Variants in SMOC2 observed in about 807,000 individuals in gnomAD.
SMOC2 encodes SPARC related modular calcium binding 2, also known as SPARC-related modular calcium-binding protein 2.
In SMOC2, 39 loss-of-function variants were observed where a neutral mutation model predicts 61.4. That is an observed-to-expected ratio of 0.64 (90% CI 0.49 to 0.83). SMOC2 has a LOEUF of 0.83. Among genes scored for constraint, SMOC2 ranks in the 40% least tolerant of loss-of-function variants. SMOC2 has a pLI of 0.00. For missense variants in SMOC2, 556 were observed against 592.9 expected, an observed-to-expected ratio of 0.94 and a Z score of 0.65; for synonymous variants, 247 against 239.9, an observed-to-expected ratio of 1.03 and a Z score of -0.27.
chr6:168,513,897 A>T (rs1783068307), intron 2 of SMOC2, among the ~76,000 whole-genome samples: 1 of 152,142 alleles, frequency 6.6e-6, no homozygotes, highest in Non-Finnish European at 1.5e-5. Flanking sequence ...TTCACGTGAG[A>T]TTTTCAATAG....
rs191306241 is a variant in SMOC2 at position 168,459,803 on chromosome 6, C to G, written c.84+18349C>G. On this transcript the variant is annotated intron_variant, in intron 1 of 12. Coordinates refer to ENST00000356284, the MANE Select transcript of SMOC2 (RefSeq NM_001166412.2). The stretch of plus-strand genomic sequence containing the variant: ...GTGGTGAGCCCTCTGGTGGGTGAGC[C>G]CCGGGCTGGGTGAGCCCTGGGGTGG... Among the ~76,000 whole-genome samples the G allele has an allele frequency of 5.5e-3, 764 of 138,968 alleles. 7 individuals are homozygous for G. Among genetic ancestry groups the G allele is most frequent in the African/African-American group, 0.018 (678 of 36,702 alleles). The allele number at this position is 138,968 out of a possible 152,430, so 91.2% of individuals were successfully genotyped here.
At chr6:168,498,065 ATCTGTGGAGCTGCC>A (rs1357109767) in intron 1 of SMOC2, among the ~76,000 whole-genome samples, 3 of 152,072 alleles carry the variant, frequency 2.0e-5, no homozygotes, top group Admixed American at 2.0e-4. Context: ...GAGACAGGTG[ATCTGTGGAGCTGCC>A]TCTCGGACAT....
At chr6:168,632,629 G>A (rs578196782) in intron 9 of SMOC2, among the ~76,000 whole-genome samples, 4 of 152,256 alleles carry the variant, frequency 2.6e-5, no homozygotes, top group Non-Finnish European at 5.9e-5. Flanking sequence ...CCATAATTTT[G>A]AGCTATGATT....
intron 9 of SMOC2, among the ~76,000 whole-genome samples, chr6:168,614,904 C>T (rs1176767727): frequency 1.3e-4 from 1 of 7,796 alleles, no homozygotes. Flanking sequence ...TTCACACCTA[C>T]AGCCAGCACA....
intron 1 of SMOC2, among the ~76,000 whole-genome samples, chr6:168,504,493 T>A (rs1004863166): frequency 6.6e-6 from 1 of 151,194 alleles, no homozygotes; most frequent in Non-Finnish European, 1.5e-5. Context: ...CACAATAGGG[T>A]TCACACTGCT....
At chr6:168,509,733 C>T (rs538453009) in intron 1 of SMOC2, among the ~76,000 whole-genome samples, 182 bp from the exon 2 acceptor site, 1 of 152,310 alleles carries the variant, frequency 6.6e-6, no homozygotes, top group South Asian at 2.1e-4. Flanking sequence ...GCTTTTGAAA[C>T]AGATGATGGC....
At chr6:168,520,786 T>C (rs1209695082) in intron 2 of SMOC2, among the ~76,000 whole-genome samples, 1 of 152,230 alleles carries the variant, frequency 6.6e-6, no homozygotes, top group African/African-American at 2.4e-5. Context: ...CCTAGCTTAG[T>C]GTGTTTATGT....
intron 1 of SMOC2, among the ~76,000 whole-genome samples, chr6:168,473,518 A>C (rs1308271449): frequency 6.6e-6 from 1 of 151,908 alleles, no homozygotes; most frequent in African/African-American, 2.4e-5. Flanking sequence ...ATTCTCTTGA[A>C]GGAGCATGGT....
In SMOC2 at chr6:168,532,589, G is replaced by A. The variant is rs118054662; in HGVS notation, c.463+4862G>A. Reference sequence around the variant, plus strand: ...TTAATCTCATCTCTCCTCTGTAACTGTGCACCCTGACCAAGAGCTGGTTCC... The same window carrying A: ...TTAATCTCATCTCTCCTCTGTAACTATGCACCCTGACCAAGAGCTGGTTCC... On this transcript the variant is annotated intron_variant, in intron 4 of 12. Transcript: ENST00000356284. Among the ~76,000 whole-genome samples, 935 of 152,274 alleles carry A rather than the reference G, an allele frequency of 6.1e-3. 10 individuals carry two copies. The highest frequency in any genetic ancestry group is 6.2e-3 in the Non-Finnish European group (423 of 68,024).
intron 8 of SMOC2, among the ~76,000 whole-genome samples, chr6:168,607,525 C>T (rs1785730432): frequency 6.6e-6 from 1 of 152,166 alleles, no homozygotes; most frequent in Non-Finnish European, 1.5e-5. Flanking sequence ...GGATGTCAGC[C>T]CTGTCTGTTC....
At chr6:168,464,044 C>T (rs989551034) in intron 1 of SMOC2, among the ~76,000 whole-genome samples, 3 of 151,802 alleles carry the variant, frequency 2.0e-5, no homozygotes, top group East Asian at 1.9e-4. Flanking sequence ...TACAAAAATT[C>T]GCCAAGTGTG....
At chr6:168,441,511 C>T in intron 1 of SMOC2, 57 bp downstream of exon 1, 1 of 1,437,158 alleles carries the variant, frequency 7.0e-7, no homozygotes, top group South Asian at 1.4e-5. Context: ...TGCAGCCGGC[C>T]GGGTTCGGGT....
chr6:168,501,482 G>T (rs75146779), intron 1 of SMOC2, among the ~76,000 whole-genome samples: 1 of 151,786 alleles, frequency 6.6e-6, no homozygotes, highest in Non-Finnish European at 1.5e-5. Flanking sequence ...TCCCTCCCTC[G>T]CCACGGGGCC....
chr6:168,599,191 TCATACCA>T (rs1785423190), intron 8 of SMOC2, among the ~76,000 whole-genome samples, 187 bp downstream of exon 8: 1 of 30,740 alleles, frequency 3.3e-5, no homozygotes, highest in African/African-American at 1.3e-4. Context: ...CCACACACAC[TCATACCA>T]CACACACACT....
At chr6:168,602,948 C>G (rs952780127) in intron 8 of SMOC2, among the ~76,000 whole-genome samples, 19 of 152,174 alleles carry the variant, frequency 1.2e-4, no homozygotes, top group African/African-American at 3.9e-4. Flanking sequence ...TGGCTGTGTC[C>G]CCACCCAAAT....
chr6:168,627,588 A>G (rs570692817), intron 9 of SMOC2, among the ~76,000 whole-genome samples: 4 of 152,222 alleles, frequency 2.6e-5, no homozygotes, highest in Non-Finnish European at 5.9e-5. Flanking sequence ...GAAATCAATT[A>G]TAAACTTCCA....
chr6:168,466,927 G>A (rs748677164), intron 1 of SMOC2, among the ~76,000 whole-genome samples: 2 of 152,184 alleles, frequency 1.3e-5, no homozygotes, highest in African/African-American at 2.4e-5. Context: ...TGTGTCTTCC[G>A]TTCCCTTGTC....
At chr6:168,523,800 TAA>T (rs909524721) in intron 2 of SMOC2, among the ~76,000 whole-genome samples, 1 of 152,176 alleles carries the variant, frequency 6.6e-6, no homozygotes, top group African/African-American at 2.4e-5. Flanking sequence ...ACAAGGCTGT[TAA>T]ACAGTTAGGG....
intron 1 of SMOC2, among the ~76,000 whole-genome samples, chr6:168,468,665 G>C (rs1781898855): frequency 6.6e-6 from 1 of 152,154 alleles, no homozygotes; most frequent in Admixed American, 6.5e-5. Context: ...CTCCCGAGTA[G>C]CTGGGATTAC....
Sources: gnomAD v4.1 joint callset for allele counts (sites outside exome capture counted in the v4.1 genomes callset) on GRCh38, gnomAD v4.1.1 for gene constraint, MANE v1.5 for transcripts, NCBI Gene and HGNC (gene_info 2026-07-23, HGNC 2026-07-21) for gene names.